Variants in GRIA1 observed in about 807,000 individuals in gnomAD.
GRIA1 encodes glutamate receptor 1.
GRIA1 carries 31 observed loss-of-function variants against 99.2 expected under a neutral mutation model. The observed-to-expected ratio is 0.31, with a 90% CI of 0.23 to 0.42. The LOEUF (loss-of-function observed/expected upper bound fraction) is 0.42. GRIA1 is among the 10% of genes least tolerant of loss of function. GRIA1 has a pLI of 1.00. For synonymous variants in GRIA1, 438 were observed against 432.4 expected (o/e 1.01, Z -0.16); for missense variants, 782 against 1,157.5 (o/e 0.68, Z 4.71).
rs568074663 is a variant in GRIA1, at chr5:153,641,678, A to T, written c.221-5250A>T. Among the ~76,000 whole-genome samples, 4 of 152,030 alleles carry T rather than the reference A, an allele frequency of 2.6e-5. No individual in the cohort carries two copies. In the East Asian group the frequency reaches 7.7e-4, roughly 29 times the overall value. On this transcript the variant is annotated intron_variant, in intron 2 of 15. Transcript: ENST00000285900. ...CTGTTGCTCTTCCTTCTACCCATAT[A>T]CAGTACTCTTTATGCACATGTAACT...
chr5:153,706,589 A>T (rs1242396447), intron 11 of GRIA1, among the ~76,000 whole-genome samples: 5 of 152,220 alleles, frequency 3.3e-5, no homozygotes. Context: ...CTATTTCTGC[A>T]TGGTGGGAAG....
At chr5:153,562,705 G>A (rs1226459910) in intron 2 of GRIA1, among the ~76,000 whole-genome samples, 2 of 152,152 alleles carry the variant, frequency 1.3e-5, no homozygotes, top group African/African-American at 4.8e-5. Context: ...GTGAGTGAGT[G>A]AGTGAATGAT....
Position 153,699,880 on chromosome 5 carries a change from G to C in GRIA1, c.1452+807G>C, listed in dbSNP as rs148866040. Among the ~76,000 whole-genome samples, 119 of 152,284 alleles carry C rather than the reference G, an allele frequency of 7.8e-4. 2 individuals carry two copies. In the East Asian group the frequency reaches 0.021, roughly 27 times the overall value. On this transcript the variant is annotated intron_variant, in intron 10 of 15. Coordinates refer to ENST00000285900, the MANE Select transcript of GRIA1 (RefSeq NM_000827.4). Reference sequence around the variant, plus strand: ...TGTTTTAAGCATTTGGGGAATTATTGAGAAGCAAAAGATTTGATCTTTTGC... The same window carrying C: ...TGTTTTAAGCATTTGGGGAATTATTCAGAAGCAAAAGATTTGATCTTTTGC...
At chr5:153,555,905 A>G (rs1359662253) in intron 2 of GRIA1, among the ~76,000 whole-genome samples, 1 of 152,248 alleles carries the variant, frequency 6.6e-6, no homozygotes, top group Non-Finnish European at 1.5e-5. Flanking sequence ...ATTTCTTGTG[A>G]TACAGAAAGT....
intron 12 of GRIA1, among the ~76,000 whole-genome samples, chr5:153,768,976 T>C (rs1763702192): frequency 6.6e-6 from 1 of 152,208 alleles, no homozygotes; most frequent in African/African-American, 2.4e-5. Flanking sequence ...ATCATGGTCC[T>C]GGATCATGGG....
intron 2 of GRIA1, among the ~76,000 whole-genome samples, chr5:153,622,393 G>A (rs1447241854): frequency 6.6e-6 from 1 of 152,194 alleles, no homozygotes; most frequent in Non-Finnish European, 1.5e-5. Flanking sequence ...GAATGTCAAT[G>A]TTAGCAAACA....
chr5:153,592,246 C>A (rs1357824491), intron 2 of GRIA1, among the ~76,000 whole-genome samples: 1 of 152,220 alleles, frequency 6.6e-6, no homozygotes, highest in Non-Finnish European at 1.5e-5. Context: ...TGGTAAAGGT[C>A]AGAGAGTGTC....
intron 2 of GRIA1, among the ~76,000 whole-genome samples, chr5:153,564,203 G>A (rs1761412475): frequency 6.6e-6 from 1 of 152,122 alleles, no homozygotes; most frequent in African/African-American, 2.4e-5. Flanking sequence ...AACTGTTATT[G>A]GAGCAGCATC....
intron 2 of GRIA1, among the ~76,000 whole-genome samples, chr5:153,517,277 G>T (rs181580873): frequency 1.4e-3 from 219 of 152,294 alleles, no homozygotes; most frequent in Non-Finnish European, 2.4e-3. Flanking sequence ...GATCCCCAGA[G>T]TGCCTGCATG....
At chr5:153,622,679 T>C (rs1386145987) in intron 2 of GRIA1, among the ~76,000 whole-genome samples, 1 of 152,242 alleles carries the variant, frequency 6.6e-6, no homozygotes, top group African/African-American at 2.4e-5. Context: ...AGATAATTTT[T>C]ATTGAATATC....
chr5:153,612,602 C>T (rs951870326), intron 2 of GRIA1, among the ~76,000 whole-genome samples: 6 of 152,202 alleles, frequency 3.9e-5, no homozygotes, highest in African/African-American at 1.4e-4. Flanking sequence ...TCAAATCAGG[C>T]ATATGCAAAT....
intron 2 of GRIA1, among the ~76,000 whole-genome samples, chr5:153,567,915 C>T (rs141461067): frequency 7.9e-5 from 12 of 152,024 alleles, no homozygotes; most frequent in Non-Finnish European, 1.2e-4. Flanking sequence ...GGAATTATTC[C>T]GAGTACAGTA....
At chr5:153,509,532 G>A (rs1291453384) in intron 2 of GRIA1, among the ~76,000 whole-genome samples, 3 of 152,050 alleles carry the variant, frequency 2.0e-5, no homozygotes, top group African/African-American at 7.2e-5. Flanking sequence ...AGACTCTGAG[G>A]TTTTGAGGGC....
At chr5:153,555,249 G>T (rs1338651488) in intron 2 of GRIA1, among the ~76,000 whole-genome samples, 1 of 151,072 alleles carries the variant, frequency 6.6e-6, no homozygotes, top group Non-Finnish European at 1.5e-5. Flanking sequence ...GTTCATAAAA[G>T]CCTCACACTC....
chr5:153,726,533 A>G (rs1197593379), intron 11 of GRIA1, among the ~76,000 whole-genome samples: 1 of 152,094 alleles, frequency 6.6e-6, no homozygotes, highest in Non-Finnish European at 1.5e-5. Flanking sequence ...AATCAAATAG[A>G]TGCAATAAAA....
chr5:153,703,076 G>T (rs1406695031), intron 10 of GRIA1, among the ~76,000 whole-genome samples: 1 of 152,146 alleles, frequency 6.6e-6, no homozygotes, highest in African/African-American at 2.4e-5. Context: ...AACTTCTGAG[G>T]CCTCTCAGTC....
Position 153,677,175 on chromosome 5 carries a change from T to A in GRIA1, c.1029+14T>A. ...GCTCTGCAGCAGGTAAGACCACCAATGTTTGCCCCATCTCATAGGAGCCTA... is the reference window on the plus strand; with the variant it reads ...GCTCTGCAGCAGGTAAGACCACCAAAGTTTGCCCCATCTCATAGGAGCCTA... On this transcript the variant is annotated intron_variant, in intron 7 of 15. Transcript: ENST00000285900. The A allele has an allele frequency of 7.0e-7, 1 of 1,434,826 alleles. No homozygotes were observed. The highest frequency in any genetic ancestry group is 2.6e-5 in the East Asian group (1 of 38,266). 88.9% of individuals were successfully genotyped at this position (1,434,826 alleles called of 1,614,324 possible).
rs70978507 is a variant in GRIA1, at chr5:153,789,318, C to CATATAT, written c.2271-5290_2271-5285dup. Among the ~76,000 whole-genome samples, 1,227 of 147,528 alleles carry CATATAT rather than the reference C, an allele frequency of 8.3e-3. 6 individuals are homozygous for CATATAT. Among genetic ancestry groups the CATATAT allele is most frequent in the Middle Eastern group, 0.014 (4 of 278 alleles). On this transcript the variant is annotated intron_variant, in intron 13 of 15. Coordinates refer to ENST00000285900, the MANE Select transcript of GRIA1 (RefSeq NM_000827.4). The stretch of plus-strand genomic sequence containing the variant: ...GATTCTAATACCTCTTTTGATATTA[C>CATATAT]ATATATATATATATATATCTCCTAC...
chr5:153,530,579 T>A (rs1561615797), intron 2 of GRIA1, among the ~76,000 whole-genome samples: 1 of 152,234 alleles, frequency 6.6e-6, no homozygotes, highest in African/African-American at 2.4e-5. Context: ...CATTACCCAG[T>A]GGCAGATAGT....
Sources: allele counts gnomAD v4.1 joint callset (sites outside exome capture counted in the v4.1 genomes callset), GRCh38; gene constraint gnomAD v4.1.1; transcripts MANE v1.5; gene names NCBI Gene and HGNC (gene_info 2026-07-23, HGNC 2026-07-21).